GDPD1: variants seen among roughly 807,000 people sequenced by gnomAD.
The protein encoded by GDPD1 is lysophospholipase D GDPD1.
A neutral mutation model predicts 45.1 loss-of-function variants in GDPD1; 28 were observed. The ratio of observed to expected loss-of-function variants is 0.62; its 90% CI spans 0.46 to 0.85. The LOEUF (loss-of-function observed/expected upper bound fraction) is 0.85, where lower values mean the gene tolerates loss of function less well. GDPD1 is among the 40% of genes least tolerant of loss of function. The pLI is 0.00. For synonymous variants in GDPD1, 139 were observed against 131.4 expected (o/e 1.06, Z -0.40); for missense variants, 256 against 364.8 (o/e 0.70, Z 2.43).
At chr17:59,249,745 A>T (rs1031451162) in intron 4 of GDPD1, among the ~76,000 whole-genome samples, 7 of 152,216 alleles carry the variant, frequency 4.6e-5, no homozygotes, top group African/African-American at 1.7e-4. Context: ...TTTTTGAATG[A>T]TTCAAATGTA....
intron 4 of GDPD1, among the ~76,000 whole-genome samples, chr17:59,254,621 AGTTAT>A (rs2047282698): frequency 6.6e-6 from 1 of 152,168 alleles, no homozygotes; most frequent in African/African-American, 2.4e-5. Context: ...AAACTCTTTC[AGTTAT>A]AAGTGTTAGA....
intron 1 of GDPD1, 104 bp from the exon 2 acceptor site, chr17:59,234,386 CCA>C (rs370639456): frequency 0.023 from 12,475 of 538,388 alleles, 16 homozygotes; most frequent in Middle Eastern, 0.033. Context: ...ATGTCTACCC[CCA>C]AAAAAAAAAA....
At chr17:59,259,906 C>T (rs1350293027) in intron 6 of GDPD1, among the ~76,000 whole-genome samples, 3 of 150,020 alleles carry the variant, frequency 2.0e-5, no homozygotes, top group African/African-American at 4.9e-5. Context: ...ACTAAAAATA[C>T]AAAAACTGGC....
rs1555724257 is a variant in GDPD1 at position 59,255,850 on chromosome 17, T to TACAC, written c.368-1269_368-1266dup. ...ATACGCGTATATATATATATATATA[T>TACAC]ACACACGTATATATATATATATATA... is the stretch of plus-strand genomic sequence containing the variant. On this transcript the variant is annotated intron_variant, in intron 4 of 9. Transcript: ENST00000284116. 4.3e-4 allele frequency among the ~76,000 whole-genome samples: 32 copies of TACAC among 74,312 alleles called. 1 individual carries two copies. Among genetic ancestry groups the TACAC allele is most frequent in the African/African-American group, 1.5e-3 (21 of 14,176 alleles). The allele number at this position is 74,312 out of a possible 152,430, so 48.8% of individuals were successfully genotyped here.
At chr17:59,235,495 G>C (rs910720999) in intron 2 of GDPD1, among the ~76,000 whole-genome samples, 2 of 151,904 alleles carry the variant, frequency 1.3e-5, no homozygotes, top group Admixed American at 6.6e-5. Flanking sequence ...TTTTGTTTAT[G>C]ATCTCAAAAG....
chr17:59,257,059 C>G, intron 4 of GDPD1, 63 bp from the exon 5 acceptor site: 1 of 772,882 alleles, frequency 1.3e-6, no homozygotes. Context: ...ACAATACCTT[C>G]TCTAGTCATC....
chr17:59,271,383 G>GA (rs2047442717), intron 8 of GDPD1, among the ~76,000 whole-genome samples: 1 of 152,088 alleles, frequency 6.6e-6, no homozygotes, highest in Non-Finnish European at 1.5e-5. Flanking sequence ...ACATTTCTCA[G>GA]AAAAATTTGC....
Position 59,275,124 on chromosome 17 carries a change from G to A in GDPD1, c.*1351G>A. The A allele has an allele frequency of 6.5e-7, 1 of 1,532,322 alleles. No individual in the cohort carries two copies. Among genetic ancestry groups the A allele is most frequent in the Middle Eastern group, 1.8e-4 (1 of 5,636 alleles). 94.9% of individuals were successfully genotyped at this position (1,532,322 alleles called of 1,614,324 possible). The stretch of plus-strand genomic sequence containing the variant: ...CTCAAAGTGCTGGGATTACAGGTTT[G>A]AACCACTGCACCCGGCCAGTAAAAG... On this transcript the variant is annotated 3_prime_UTR_variant, in exon 10 of 10. Coordinates refer to ENST00000284116, the MANE Select transcript of GDPD1 (RefSeq NM_182569.4).
chr17:59,255,784 T>TACAC (rs1555724179), intron 4 of GDPD1, among the ~76,000 whole-genome samples: 33 of 58,130 alleles, frequency 5.7e-4, no homozygotes, highest in African/African-American at 3.7e-3. Flanking sequence ...TATATATATA[T>TACAC]ACGCGTATAT....
intron 1 of GDPD1, among the ~76,000 whole-genome samples, chr17:59,231,203 C>G (rs551886270): frequency 6.6e-6 from 1 of 152,158 alleles, no homozygotes; most frequent in Non-Finnish European, 1.5e-5. Context: ...CACCAGCTGA[C>G]ATTCTCATCA....
chr17:59,239,036 G>T (rs142791162), intron 2 of GDPD1, among the ~76,000 whole-genome samples: 45 of 152,292 alleles, frequency 3.0e-4, no homozygotes, highest in African/African-American at 1.1e-3. Flanking sequence ...GGAAATACCC[G>T]TAGGACAATG....
In GDPD1 at chr17:59,245,455, A is replaced by G; in HGVS notation, c.227A>G (p.His76Arg). The G allele has an allele frequency of 1.9e-6, 3 of 1,611,862 alleles. No homozygotes were observed. The highest frequency in any genetic ancestry group is 1.7e-4 in the Middle Eastern group (1 of 6,058). Residue 76 changes from histidine to arginine, a missense_variant, in exon 3 of 10, where the codon CAT (histidine) becomes CGT (arginine). By Grantham distance (29) the His-to-Arg change is conservative. Transcript: ENST00000284116. Reference sequence around the variant, plus strand: ...ACTGATATGCTAGAATTGGACTGCCATATCACAAAAGATGAACAAGTTGTA... The same window carrying G: ...ACTGATATGCTAGAATTGGACTGCCGTATCACAAAAGATGAACAAGTTGTA... The part of the protein sequence containing the change: ...IGTDMLELDC[H>R]ITKDEQVVVS...
chr17:59,229,696 C>T (rs1597963031), intron 1 of GDPD1, among the ~76,000 whole-genome samples: 1 of 152,206 alleles, frequency 6.6e-6, no homozygotes, highest in East Asian at 1.9e-4. Context: ...ATATATATAA[C>T]GAATTCCACA....
chr17:59,263,638 C>T (rs1047194586), intron 6 of GDPD1, among the ~76,000 whole-genome samples: 1 of 151,740 alleles, frequency 6.6e-6, no homozygotes, highest in African/African-American at 2.4e-5. Context: ...ACCACCACGC[C>T]CAGCTAATTT....
At position 59,252,638 on chromosome 17, in the gene GDPD1, C is replaced by T. The variant is rs187055020; in HGVS notation, c.367+3853C>T. Among the ~76,000 whole-genome samples, 7 of 152,014 alleles carry T rather than the reference C, an allele frequency of 4.6e-5. No homozygotes were observed. The East Asian group carries it at 1.4e-3, about 30-fold the overall frequency. On this transcript the variant is annotated intron_variant, in intron 4 of 9. Transcript: ENST00000284116. ...ACTTGAACCCGGGAGGCAGATGTTG[C>T]AGTGAGCAGAGATCGTGCCACTGCA...
chr17:59,272,780 T>A lies in GDPD1; in HGVS notation c.771-5T>A. 1 of 1,591,104 alleles carries A rather than the reference T, an allele frequency of 6.3e-7. No individual in the cohort carries two copies. On this transcript the variant is annotated splice_polypyrimidine_tract_variant and splice_region_variant and intron_variant, in intron 8 of 9. Transcript: ENST00000284116. ...CCTAAATCAGTTTTGCTTTTTCTTT[T>A]CTAGCTTACTAATGAGGAAAGCTTT...
intron 6 of GDPD1, 73 bp from the exon 7 acceptor site, chr17:59,266,968 T>G: frequency 1.6e-6 from 2 of 1,216,258 alleles, no homozygotes; most frequent in Non-Finnish European, 2.4e-6. Context: ...TGGGAAATAC[T>G]GAGAGTTGTG....
intron 1 of GDPD1, among the ~76,000 whole-genome samples, chr17:59,231,692 GT>G (rs541969042): frequency 1.3e-5 from 2 of 151,878 alleles, no homozygotes; most frequent in African/African-American, 4.8e-5. Context: ...TCTTTTTTAA[GT>G]TTTTTTTATT....
At position 59,250,613 on chromosome 17, in the gene GDPD1, C is replaced by CA. The variant is rs34031181; in HGVS notation, c.367+1847dup. ...CCTGGGTGACAGTGAGACCTTGTCTCAAAAAAAAAAAAAAAAAAATCCTTT... is the reference window on the plus strand; with the variant it reads ...CCTGGGTGACAGTGAGACCTTGTCTCAAAAAAAAAAAAAAAAAAAATCCTTT... On this transcript the variant is annotated intron_variant, in intron 4 of 9. Coordinates refer to ENST00000284116, the MANE Select transcript of GDPD1 (RefSeq NM_182569.4). 9.5e-3 allele frequency among the ~76,000 whole-genome samples: 965 copies of CA among 102,098 alleles called. 16 individuals are homozygous for CA. The highest frequency in any genetic ancestry group is 0.011 in the Non-Finnish European group (503 of 47,282). 67.0% of individuals were successfully genotyped at this position (102,098 alleles called of 152,430 possible). A position where few individuals can be genotyped will look rare whatever the true frequency, so the allele number is the denominator to read the frequency against.
Sources: gnomAD v4.1 joint callset for allele counts (sites outside exome capture counted in the v4.1 genomes callset) on GRCh38, gnomAD v4.1.1 for gene constraint, MANE v1.5 for transcripts, NCBI Gene and HGNC (gene_info 2026-07-23, HGNC 2026-07-21) for gene names.